Variants in SERP2 observed in about 807,000 individuals in gnomAD.
The protein encoded by SERP2 is stress associated endoplasmic reticulum protein family member 2.
Under a neutral mutation model 9.1 loss-of-function variants are expected in SERP2, and 6 were observed. That is an observed-to-expected ratio of 0.66 (90% CI 0.36 to 1.30). The LOEUF (loss-of-function observed/expected upper bound fraction) is 1.30, where lower values mean the gene tolerates loss of function less well. Among genes scored for constraint, SERP2 ranks in the 50% most tolerant of loss-of-function variants. The pLI, the probability that SERP2 is intolerant of heterozygous loss-of-function variation, is 0.03. For synonymous variants in SERP2, 37 were observed against 27.3 expected (o/e 1.35, Z -1.10); for missense variants, 58 against 81.9 (o/e 0.71, Z 1.13).
intron 2 of SERP2, among the ~76,000 whole-genome samples, chr13:44,381,109 T>C (rs1871943188): frequency 6.6e-6 from 1 of 152,068 alleles, no homozygotes. Context: ...TGGCAGCGCA[T>C]GCCTGTAATC....
intron 2 of SERP2, 126 bp from the exon 3 acceptor site, chr13:44,397,146 A>G: frequency 1.3e-6 from 1 of 741,986 alleles, no homozygotes; most frequent in Non-Finnish European, 2.4e-6. Context: ...CTTGTTAGGA[A>G]ATATCTAATC....
chr13:44,388,656 G>A (rs989470859), intron 2 of SERP2, among the ~76,000 whole-genome samples: 3 of 152,226 alleles, frequency 2.0e-5, no homozygotes, highest in African/African-American at 4.8e-5. Flanking sequence ...GTATTCTCCA[G>A]GGCCTCTGCC....
intron 2 of SERP2, among the ~76,000 whole-genome samples, chr13:44,392,973 A>G (rs1408562037): frequency 6.6e-6 from 1 of 152,188 alleles, no homozygotes; most frequent in African/African-American, 2.4e-5. Flanking sequence ...TTTAGAGGAA[A>G]GATCCAAGAG....
At chr13:44,380,876 A>G (rs1010064559) in intron 2 of SERP2, among the ~76,000 whole-genome samples, 1 of 152,170 alleles carries the variant, frequency 6.6e-6, no homozygotes, top group African/African-American at 2.4e-5. Flanking sequence ...TTTGAATTAC[A>G]CTATGCTGTC....
chr13:44,379,895 CAATT>C (rs1202275438), intron 2 of SERP2, among the ~76,000 whole-genome samples, 182 bp downstream of exon 2: 1 of 152,126 alleles, frequency 6.6e-6, no homozygotes, highest in Non-Finnish European at 1.5e-5. Flanking sequence ...GGTAGAGACA[CAATT>C]AATACACTAT....
chr13:44,386,188 C>G (rs1301559648), intron 2 of SERP2, among the ~76,000 whole-genome samples: 2 of 151,740 alleles, frequency 1.3e-5, no homozygotes, highest in African/African-American at 2.4e-5. Flanking sequence ...GCAGTTTGTC[C>G]TTTAATTTGA....
At chr13:44,383,950 T>G (rs945745880) in intron 2 of SERP2, among the ~76,000 whole-genome samples, 3 of 152,180 alleles carry the variant, frequency 2.0e-5, no homozygotes, top group African/African-American at 7.2e-5. Context: ...TTGAGCCATC[T>G]TACTTTCTCT....
chr13:44,386,840 G>A lies in SERP2; in HGVS notation c.157+7127G>A, dbSNP rs562803065. On this transcript the variant is annotated intron_variant, in intron 2 of 2. Coordinates refer to ENST00000379179, the MANE Select transcript of SERP2 (RefSeq NM_001010897.3). ...TTTGCTTGAGTCTGTTTAACTGGCT[G>A]GATTTGCCTCTACTTGATCTACTAG... Among the ~76,000 whole-genome samples the A allele has an allele frequency of 1.4e-4, 21 of 152,288 alleles. No homozygotes were observed. In the South Asian group the frequency reaches 4.2e-3, roughly 30 times the overall value.
chr13:44,377,460 G>T (rs182636142), intron 1 of SERP2, among the ~76,000 whole-genome samples: 1 of 152,308 alleles, frequency 6.6e-6, no homozygotes, highest in African/African-American at 2.4e-5. Context: ...TATGAATGTT[G>T]TTTACCGGAT....
At chr13:44,383,932 A>C (rs781302403) in intron 2 of SERP2, among the ~76,000 whole-genome samples, 1 of 152,128 alleles carries the variant, frequency 6.6e-6, no homozygotes, top group African/African-American at 2.4e-5. Context: ...TTAGACATGA[A>C]ATGAGAGTTG....
chr13:44,390,460 T>C (rs1174148708), intron 2 of SERP2: 1 of 456,554 alleles, frequency 2.2e-6, no homozygotes, highest in Non-Finnish European at 4.4e-6. Context: ...ACTGAGATGT[T>C]TAAAGGAACT....
intron 2 of SERP2, among the ~76,000 whole-genome samples, chr13:44,387,999 C>T (rs1872413058): frequency 6.6e-6 from 1 of 152,146 alleles, no homozygotes; most frequent in Admixed American, 6.5e-5. Flanking sequence ...AAAGGGAAAC[C>T]TCTGGGGTAA....
chr13:44,377,914 T>A (rs1462528941), intron 1 of SERP2, among the ~76,000 whole-genome samples: 1 of 152,230 alleles, frequency 6.6e-6, no homozygotes, highest in African/African-American at 2.4e-5. Flanking sequence ...CAAGACATAG[T>A]CCCTGCCCTT....
intron 2 of SERP2, among the ~76,000 whole-genome samples, chr13:44,387,717 T>C (rs1023154474): frequency 1.3e-5 from 2 of 152,206 alleles, no homozygotes; most frequent in Non-Finnish European, 2.9e-5. Context: ...CTCTCTGTCC[T>C]GATGTCTCAG....
In SERP2 at chr13:44,397,252, T is replaced by C. The variant is rs74508112; in HGVS notation, c.158-20T>C. 0.049 allele frequency: 78,669 copies of C among 1,610,718 alleles called. 2,228 individuals are homozygous for C. Among genetic ancestry groups the C allele is most frequent in the Admixed American group, 0.09 (5,369 of 59,988 alleles). On this transcript the variant is annotated intron_variant, in intron 2 of 2. Coordinates refer to ENST00000379179, the MANE Select transcript of SERP2 (RefSeq NM_001010897.3). ...TGTGTGCAGTCTGGTGTCTGAGCTG[T>C]GGTGTTTTCCTCTTTTCAGCTATCT...
intron 2 of SERP2, among the ~76,000 whole-genome samples, chr13:44,380,614 A>T (rs1871918087): frequency 6.6e-6 from 1 of 152,204 alleles, no homozygotes; most frequent in African/African-American, 2.4e-5. Flanking sequence ...AAAGAAGCAA[A>T]AACTCTTAGG....
At chr13:44,381,989 A>AGGATGGATGGATGGATGGAT (rs57960396) in intron 2 of SERP2, among the ~76,000 whole-genome samples, 2 of 147,592 alleles carry the variant, frequency 1.4e-5, no homozygotes, top group Non-Finnish European at 3.0e-5. Context: ...GTTAGTGCTT[A>AGGATGGATGGATGGATGGAT]GGATGGATGG....
At chr13:44,376,306 C>A (rs1871643971) in intron 1 of SERP2, among the ~76,000 whole-genome samples, 1 of 152,184 alleles carries the variant, frequency 6.6e-6, no homozygotes, top group African/African-American at 2.4e-5. Context: ...TGCAAAAGAT[C>A]ACTATTCAGG....
chr13:44,389,823 A>T (rs1240266747), intron 2 of SERP2, among the ~76,000 whole-genome samples: 1 of 152,192 alleles, frequency 6.6e-6, no homozygotes, highest in East Asian at 1.9e-4. Flanking sequence ...CTGTTCATAC[A>T]ACTGTTTTGG....
Sources: gnomAD v4.1 joint callset for allele counts (sites outside exome capture counted in the v4.1 genomes callset) on GRCh38, gnomAD v4.1.1 for gene constraint, MANE v1.5 for transcripts, NCBI Gene and HGNC (gene_info 2026-07-23, HGNC 2026-07-21) for gene names.